Variants in NFAT5 observed in about 807,000 individuals in gnomAD.
NFAT5 encodes the protein nuclear factor of activated T-cells 5.
NFAT5 carries 31 observed loss-of-function variants against 166.5 expected under a neutral mutation model. That is an observed-to-expected ratio of 0.19 (90% CI 0.14 to 0.25). NFAT5 has a LOEUF of 0.25. Among genes scored for constraint, NFAT5 ranks in the 10% least tolerant of loss-of-function variants. NFAT5 has a pLI of 1.00. For missense variants in NFAT5, 1,449 were observed against 1,821.8 expected, an observed-to-expected ratio of 0.80 and a Z score of 3.72; for synonymous variants, 612 against 639.7, an observed-to-expected ratio of 0.96 and a Z score of 0.65.
intron 2 of NFAT5, among the ~76,000 whole-genome samples, chr16:69,609,104 G>C (rs542158574): frequency 7.3e-5 from 11 of 151,396 alleles, no homozygotes; most frequent in African/African-American, 2.7e-4. Context: ...CTGGGCAACA[G>C]AGTGAGACTC....
intron 2 of NFAT5, among the ~76,000 whole-genome samples, chr16:69,621,135 A>G (rs144102098): frequency 0.011 from 1,662 of 152,250 alleles, 14 homozygotes; most frequent in South Asian, 0.036. Flanking sequence ...CCTTCTTTAT[A>G]TATAGAAGCT....
At chr16:69,624,786 C>A (rs747124119) in intron 2 of NFAT5, among the ~76,000 whole-genome samples, 1 of 151,778 alleles carries the variant, frequency 6.6e-6, no homozygotes, top group Non-Finnish European at 1.5e-5. Flanking sequence ...AATTAATAAT[C>A]TTCTTCAATT....
chr16:69,684,560 A>C (rs1265532448), intron 10 of NFAT5, among the ~76,000 whole-genome samples: 1 of 150,334 alleles, frequency 6.7e-6, no homozygotes, highest in Non-Finnish European at 1.5e-5. Context: ...ACTCTGTCGC[A>C]AAAAAAAAGA....
At chr16:69,633,609 T>C (rs1183843209) in intron 3 of NFAT5, among the ~76,000 whole-genome samples, 3 of 152,128 alleles carry the variant, frequency 2.0e-5, no homozygotes, top group Admixed American at 6.5e-5. Flanking sequence ...CTCACTCATA[T>C]GTGAAAGCTA....
chr16:69,575,029 C>G (rs1311396264), intron 2 of NFAT5, among the ~76,000 whole-genome samples: 2 of 151,952 alleles, frequency 1.3e-5, no homozygotes, highest in African/African-American at 4.8e-5. Context: ...TTATTGCTTC[C>G]CACCCATGAA....
At position 69,691,829 on chromosome 16, in the gene NFAT5, A is replaced by G; in HGVS notation, c.2004A>G (p.Pro668=). The change falls in exon 13 of 15, where the codon CCA becomes CCG. Residue 668 remains proline (P), a synonymous_variant. Coordinates refer to ENST00000349945, the MANE Select transcript of NFAT5 (RefSeq NM_138713.4). ...NIAGNGSFSS[P]SSSHLPSENE... ...CAGGAAATGGCTCTTTTTCATCACC[A>G]TCATCTTCCCACCTACCTTCTGAAA... 2 of 1,614,120 alleles carry G rather than the reference A, an allele frequency of 1.2e-6. No homozygotes were observed. Among genetic ancestry groups the G allele is most frequent in the Non-Finnish European group, 1.7e-6 (2 of 1,180,018 alleles).
chr16:69,621,730 C>A (rs1005729387), intron 2 of NFAT5, among the ~76,000 whole-genome samples: 2 of 152,142 alleles, frequency 1.3e-5, no homozygotes, highest in African/African-American at 4.8e-5. Flanking sequence ...CTTTGGGAGG[C>A]TGAGACAGGA....
intron 14 of NFAT5, 57 bp downstream of exon 14, chr16:69,695,436 A>C: frequency 1.6e-6 from 2 of 1,240,910 alleles, no homozygotes; most frequent in Non-Finnish European, 1.2e-6. Context: ...TCTTCTTAAC[A>C]GATTTAGGTT....
intron 9 of NFAT5, among the ~76,000 whole-genome samples, chr16:69,674,207 C>G (rs1209974480): frequency 6.9e-6 from 1 of 144,508 alleles, no homozygotes; most frequent in Non-Finnish European, 1.5e-5. Flanking sequence ...CACGCCATTG[C>G]ACTCCAGCCT....
At chr16:69,605,935 G>C (rs1002927686) in intron 2 of NFAT5, among the ~76,000 whole-genome samples, 2 of 151,958 alleles carry the variant, frequency 1.3e-5, no homozygotes, top group Non-Finnish European at 2.9e-5. Flanking sequence ...GGATGGTCTC[G>C]ATCTCCTGAC....
chr16:69,633,692 A>C (rs2034820534), intron 3 of NFAT5, among the ~76,000 whole-genome samples: 2 of 152,312 alleles, frequency 1.3e-5, no homozygotes, highest in South Asian at 4.1e-4. Flanking sequence ...GGTAGGAGGA[A>C]GGAAGGGATA....
In NFAT5 at chr16:69,566,409, G is replaced by A; in HGVS notation, c.73+35G>A. 3.5e-6 allele frequency: 5 copies of A among 1,418,088 alleles called. No homozygotes were observed. The highest frequency in any genetic ancestry group is 2.3e-5 in the East Asian group (1 of 42,610). 87.8% of individuals were successfully genotyped at this position (1,418,088 alleles called of 1,614,324 possible). On this transcript the variant is annotated intron_variant, in intron 1 of 14. Transcript: ENST00000349945. The surrounding 1 kb of genome is among the most constrained non-coding windows in gnomAD (Gnocchi z 5.7). ...GCTGTGGGGGGTGGGGCGTGGGGGC[G>A]GGGAGACAGGGAGACAGGGAGACAG...
At chr16:69,576,729 T>C (rs2016779590) in intron 2 of NFAT5, among the ~76,000 whole-genome samples, 1 of 152,102 alleles carries the variant, frequency 6.6e-6, no homozygotes, top group African/African-American at 2.4e-5. Context: ...GGGATGGTGT[T>C]ACGCACCTGT....
intron 2 of NFAT5, among the ~76,000 whole-genome samples, chr16:69,587,948 T>C (rs898301636): frequency 6.6e-5 from 9 of 136,834 alleles, no homozygotes; most frequent in Admixed American, 3.7e-4. Context: ...TGCTTTCTTT[T>C]TTTTTTTTTT....
intron 3 of NFAT5, among the ~76,000 whole-genome samples, chr16:69,629,874 T>C (rs987739006): frequency 6.7e-6 from 1 of 149,614 alleles, no homozygotes; most frequent in Non-Finnish European, 1.5e-5. Context: ...GCTCAAGTGA[T>C]CCTCCCATTT....
chr16:69,604,134 T>C (rs776407101), intron 2 of NFAT5, among the ~76,000 whole-genome samples: 4 of 152,172 alleles, frequency 2.6e-5, no homozygotes, highest in Non-Finnish European at 5.9e-5. Flanking sequence ...AAGTAACTTG[T>C]CCAGGGGCAC....
At chr16:69,612,965 C>G (rs1042010099) in intron 2 of NFAT5, among the ~76,000 whole-genome samples, 3 of 152,130 alleles carry the variant, frequency 2.0e-5, no homozygotes, top group African/African-American at 7.2e-5. Context: ...AGACCTCTCT[C>G]CTGTTTATGT....
intron 2 of NFAT5, among the ~76,000 whole-genome samples, chr16:69,592,192 G>T (rs1289861735): frequency 6.8e-6 from 1 of 147,216 alleles, no homozygotes; most frequent in Admixed American, 7.0e-5. Flanking sequence ...CAATTTTCCT[G>T]CCTCAACCTC....
At chr16:69,623,569 G>A (rs1470233557) in intron 2 of NFAT5, among the ~76,000 whole-genome samples, 1 of 151,542 alleles carries the variant, frequency 6.6e-6, no homozygotes, top group Non-Finnish European at 1.5e-5. Context: ...GTGCAATGGT[G>A]TGATCTTGGC....
Sources: allele counts gnomAD v4.1 joint callset (sites outside exome capture counted in the v4.1 genomes callset), GRCh38; gene constraint gnomAD v4.1.1; non-coding constraint Gnocchi (gnomAD v3.1); transcripts MANE v1.5; gene names NCBI Gene and HGNC (gene_info 2026-07-23, HGNC 2026-07-21).